PSD3: variants seen among roughly 807,000 people sequenced by gnomAD.
PSD3 encodes PH and SEC7 domain-containing protein 3.
Under a neutral mutation model 105.5 loss-of-function variants are expected in PSD3, and 49 were observed. The ratio of observed to expected loss-of-function variants is 0.46; its 90% CI spans 0.37 to 0.59. PSD3 has a LOEUF of 0.59. Among genes scored for constraint, PSD3 ranks in the 20% least tolerant of loss-of-function variants. The pLI is 0.00. For missense variants in PSD3, 1,561 were observed against 1,263.8 expected, an observed-to-expected ratio of 1.24 and a Z score of -3.57; for synonymous variants, 557 against 457.8, an observed-to-expected ratio of 1.22 and a Z score of -2.77.
chr8:19,070,519 T>C (rs1055534343), intron 1 of PSD3, among the ~76,000 whole-genome samples: 3 of 151,802 alleles, frequency 2.0e-5, no homozygotes, highest in Non-Finnish European at 4.4e-5. Context: ...CTACTAAAAA[T>C]ACAAAAAAAT....
chr8:18,627,979 G>A (rs545162149), intron 11 of PSD3, among the ~76,000 whole-genome samples: 161 of 151,792 alleles, frequency 1.1e-3, no homozygotes, highest in African/African-American at 3.8e-3. Flanking sequence ...GGAGAGAAAC[G>A]GAAGATATAA....
intron 2 of PSD3, among the ~76,000 whole-genome samples, chr8:18,920,937 A>G (rs1468883990): frequency 2.0e-5 from 3 of 152,208 alleles, no homozygotes; most frequent in African/African-American, 7.2e-5. Context: ...ATCATACATG[A>G]TAGTGACTCC....
At chr8:18,838,044 G>C (rs1376444407) in intron 4 of PSD3, among the ~76,000 whole-genome samples, 1 of 152,164 alleles carries the variant, frequency 6.6e-6, no homozygotes, top group African/African-American at 2.4e-5. Flanking sequence ...CTCTACTAAA[G>C]AACATAATTA....
chr8:18,859,112 T>A (rs549899795), intron 4 of PSD3, among the ~76,000 whole-genome samples: 1 of 152,278 alleles, frequency 6.6e-6, no homozygotes, highest in East Asian at 1.9e-4. Flanking sequence ...GCAGAATGGA[T>A]ATTGTGTTGG....
chr8:18,918,190 T>A (rs1820747838), intron 2 of PSD3, among the ~76,000 whole-genome samples: 1 of 152,234 alleles, frequency 6.6e-6, no homozygotes, highest in Non-Finnish European at 1.5e-5. Context: ...TGCTCCCTCT[T>A]GACACCAGCT....
chr8:18,666,928 A>C (rs112359551), intron 9 of PSD3, among the ~76,000 whole-genome samples: 2 of 152,126 alleles, frequency 1.3e-5, no homozygotes, highest in Non-Finnish European at 2.9e-5. Flanking sequence ...CCTCGCGGTC[A>C]GTGTTACAGT....
chr8:18,971,312 C>G (rs2129472054), intron 1 of PSD3, among the ~76,000 whole-genome samples: 1 of 152,308 alleles, frequency 6.6e-6, no homozygotes, highest in South Asian at 2.1e-4. Context: ...AAGGTCCTGC[C>G]ACACCACAGG....
intron 1 of PSD3, among the ~76,000 whole-genome samples, chr8:18,990,088 G>A (rs1370252360): frequency 6.6e-6 from 1 of 152,152 alleles, no homozygotes; most frequent in Non-Finnish European, 1.5e-5. Context: ...TATCACAGCT[G>A]CCACCATCCC....
Position 18,535,868 on chromosome 8 carries a change from TC to T in PSD3, c.3018del (p.Lys1007SerfsTer8). 1 of 1,614,156 alleles carries T rather than the reference TC, an allele frequency of 6.2e-7. No homozygotes were observed. The highest frequency in any genetic ancestry group is 8.5e-7 in the Non-Finnish European group (1 of 1,179,986). ...TTCAGCGAAGGACTCGAGTGCGACT[TC>T]TTCAGTCCTGCAGCCTCGCTTTCAT... ...SNDESEAAGLKKSHSSPSLNP... is the reference protein window; with the variant it reads ...SNDESEAAGLXKSHSSPSLNP... On this transcript the variant is annotated frameshift_variant, in exon 16 of 16. Coordinates refer to ENST00000327040, the MANE Select transcript of PSD3 (RefSeq NM_015310.4). LOFTEE classifies it high-confidence loss of function.
chr8:19,079,141 AAAAAGAGCAAGAGAAC>A (rs1391190638), intron 1 of PSD3, among the ~76,000 whole-genome samples: 1 of 152,102 alleles, frequency 6.6e-6, no homozygotes, highest in Non-Finnish European at 1.5e-5. Flanking sequence ...GTAAGGAGAG[AAAAAGAGCAAGAGAAC>A]GTTGTCATGG....
intron 9 of PSD3, among the ~76,000 whole-genome samples, chr8:18,687,822 A>G (rs190627062): frequency 2.6e-5 from 4 of 152,286 alleles, no homozygotes; most frequent in Admixed American, 2.0e-4. Context: ...GCTGGAGTAC[A>G]GTGGCATGAT....
rs549115525 is a variant in PSD3, at chr8:19,025,405, A to G, written c.324+58801T>C. 5.9e-5 allele frequency among the ~76,000 whole-genome samples: 9 copies of G among 151,876 alleles called. No individual in the cohort carries two copies. The South Asian group carries it at 1.9e-3, about 32-fold the overall frequency. On this transcript the variant is annotated intron_variant, in intron 1 of 1. Transcript: ENST00000521475. ...CACTCTCTTGAGTACACACACTCAC[A>G]CTCCCCTTTCTTGAGTGTGTCTTTT... is the stretch of plus-strand genomic sequence containing the variant.
intron 9 of PSD3, among the ~76,000 whole-genome samples, chr8:18,758,359 TC>T (rs1330819042): frequency 6.6e-6 from 1 of 151,714 alleles, no homozygotes; most frequent in Non-Finnish European, 1.5e-5. Flanking sequence ...TCCAATCTTC[TC>T]CCTGGCTGAA....
intron 10 of PSD3, among the ~76,000 whole-genome samples, chr8:18,633,212 C>T (rs2410593): frequency 0.43 from 65,315 of 151,792 alleles, 14,596 homozygotes; most frequent in African/African-American, 0.53. Context: ...TTTTGACTTA[C>T]GTATTTCTAC....
chr8:18,785,998 T>C (rs1809109268), intron 8 of PSD3, among the ~76,000 whole-genome samples: 1 of 152,206 alleles, frequency 6.6e-6, no homozygotes, highest in Non-Finnish European at 1.5e-5. Context: ...AGGAAAAATG[T>C]TCAGTGACTG....
chr8:19,011,194 C>CT (rs1826934224), intron 1 of PSD3, among the ~76,000 whole-genome samples: 2 of 152,184 alleles, frequency 1.3e-5, no homozygotes, highest in African/African-American at 4.8e-5. Context: ...ACAAACCAGT[C>CT]TTTAAGCCAA....
intron 2 of PSD3, among the ~76,000 whole-genome samples, chr8:18,911,297 A>G (rs1820206022): frequency 6.6e-6 from 1 of 152,242 alleles, no homozygotes; most frequent in Admixed American, 6.5e-5. Context: ...AATACTAACA[A>G]TTAAGAACAA....
chr8:18,769,616 A>G (rs1355877438), intron 8 of PSD3, among the ~76,000 whole-genome samples: 1 of 152,214 alleles, frequency 6.6e-6, no homozygotes, highest in East Asian at 1.9e-4. Flanking sequence ...ACCCACCAGC[A>G]GTTATTCTCC....
chr8:18,725,538 C>T (rs901006273), intron 9 of PSD3, among the ~76,000 whole-genome samples: 37 of 152,288 alleles, frequency 2.4e-4, no homozygotes, highest in Admixed American at 2.2e-3. Context: ...TATCACCCTC[C>T]CACCTCATGT....
Sources: gnomAD v4.1 joint callset for allele counts (sites outside exome capture counted in the v4.1 genomes callset) on GRCh38, gnomAD v4.1.1 for gene constraint, MANE v1.5 for transcripts, NCBI Gene and HGNC (gene_info 2026-07-23, HGNC 2026-07-21) for gene names.